Variants in ZDHHC14 observed in about 807,000 individuals in gnomAD.
ZDHHC14 encodes the protein zDHHC palmitoyltransferase 14.
ZDHHC14 carries 16 observed loss-of-function variants against 47.7 expected under a neutral mutation model. That is an observed-to-expected ratio of 0.34 (90% CI 0.23 to 0.51). The LOEUF (loss-of-function observed/expected upper bound fraction) is 0.51, where lower values mean the gene tolerates loss of function less well. Among genes scored for constraint, ZDHHC14 ranks in the 20% least tolerant of loss-of-function variants. The probability of loss-of-function intolerance (pLI) is 0.97; values close to 1 mark genes in which losing one functional copy is unlikely to be tolerated. For synonymous variants in ZDHHC14, 293 were observed against 278.9 expected (o/e 1.05, Z -0.50); for missense variants, 515 against 662.5 (o/e 0.78, Z 2.44).
At position 157,452,690 on chromosome 6, in the gene ZDHHC14, A is replaced by ATTTTTTT. The variant is rs747862336; in HGVS notation, c.245+70448_245+70454dup. Among the ~76,000 whole-genome samples the ATTTTTTT allele has an allele frequency of 1.5e-3, 106 of 72,956 alleles. 9 individuals carry two copies. Among genetic ancestry groups the ATTTTTTT allele is most frequent in the African/African-American group, 1.9e-3 (33 of 17,682 alleles). The allele number at this position is 72,956 out of a possible 152,430, so 47.9% of individuals were successfully genotyped here. On this transcript the variant is annotated intron_variant, in intron 1 of 8. Coordinates refer to ENST00000359775, the MANE Select transcript of ZDHHC14 (RefSeq NM_024630.3). The stretch of plus-strand genomic sequence containing the variant: ...TCATAAAGATCACTAATACATGGGG[A>ATTTTTTT]TTTTTTTTTTTTTTTTTTTTTTTTT...
chr6:157,620,405 T>C (rs1368787294), intron 3 of ZDHHC14, among the ~76,000 whole-genome samples: 2 of 152,162 alleles, frequency 1.3e-5, no homozygotes, highest in Non-Finnish European at 2.9e-5. Context: ...ACAGCTACAG[T>C]GTGGATTAAG....
intron 1 of ZDHHC14, among the ~76,000 whole-genome samples, chr6:157,533,441 C>T (rs749860979): frequency 7.2e-5 from 11 of 151,982 alleles, no homozygotes; most frequent in Admixed American, 3.9e-4. Flanking sequence ...AGGGAAGGCT[C>T]TACAGAGATG....
chr6:157,494,367 C>A (rs1213633877), intron 1 of ZDHHC14, among the ~76,000 whole-genome samples: 1 of 152,228 alleles, frequency 6.6e-6, no homozygotes, highest in African/African-American at 2.4e-5. Flanking sequence ...TGCCACCACC[C>A]TCCCTGCGGG....
At chr6:157,524,037 G>T (rs1305281383) in intron 1 of ZDHHC14, among the ~76,000 whole-genome samples, 1 of 152,222 alleles carries the variant, frequency 6.6e-6, no homozygotes, top group East Asian at 1.9e-4. Flanking sequence ...AATGCAGCTG[G>T]AAGAGATTTA....
intron 3 of ZDHHC14, among the ~76,000 whole-genome samples, chr6:157,603,532 G>A (rs967844853): frequency 2.6e-5 from 4 of 152,154 alleles, no homozygotes; most frequent in African/African-American, 9.7e-5. Context: ...TTCAGCCCTA[G>A]GAGGACTGAT....
At chr6:157,568,895 TTGTG>T (rs1783003113) in intron 2 of ZDHHC14, among the ~76,000 whole-genome samples, 1 of 152,182 alleles carries the variant, frequency 6.6e-6, no homozygotes, top group South Asian at 2.1e-4. Flanking sequence ...TGTTATTTCT[TTGTG>T]TGAGTTGCCT....
chr6:157,628,264 G>C, intron 3 of ZDHHC14, 85 bp from the exon 4 acceptor site: 2 of 1,372,514 alleles, frequency 1.5e-6, no homozygotes, highest in Non-Finnish European at 9.9e-7. Flanking sequence ...CAGAGTATTG[G>C]GTGGGAGGGG....
chr6:157,517,435 C>T (rs35801114), intron 1 of ZDHHC14, among the ~76,000 whole-genome samples: 79,402 of 151,690 alleles, frequency 0.52, 21,106 homozygotes, highest in Non-Finnish European at 0.58. Flanking sequence ...CTCAGCCTCC[C>T]GAGTAGCTGG....
intron 1 of ZDHHC14, among the ~76,000 whole-genome samples, chr6:157,402,067 C>T (rs1246387281): frequency 1.3e-5 from 2 of 148,884 alleles, no homozygotes; most frequent in Non-Finnish European, 3.0e-5. Flanking sequence ...AAGTGAGATG[C>T]GCACCTGCTG....
chr6:157,545,988 T>G (rs1457029495), intron 2 of ZDHHC14, among the ~76,000 whole-genome samples: 1 of 152,246 alleles, frequency 6.6e-6, no homozygotes, highest in Non-Finnish European at 1.5e-5. Context: ...TTGTTTTGTC[T>G]AATTCTTCTC....
chr6:157,401,513 G>C (rs979186248), intron 1 of ZDHHC14, among the ~76,000 whole-genome samples: 22 of 144,044 alleles, frequency 1.5e-4, no homozygotes, highest in Admixed American at 1.3e-3. Flanking sequence ...AGTGAGATGC[G>C]CTCCTGCTGA....
chr6:157,539,732 C>G (rs147103572), intron 1 of ZDHHC14, among the ~76,000 whole-genome samples: 4 of 152,338 alleles, frequency 2.6e-5, no homozygotes, highest in African/African-American at 9.6e-5. Context: ...TTTCCTGCCT[C>G]CCTCTCTACT....
intron 1 of ZDHHC14, among the ~76,000 whole-genome samples, chr6:157,494,708 A>G (rs1780012706): frequency 6.6e-6 from 1 of 152,248 alleles, no homozygotes. Flanking sequence ...GAAGCTTACA[A>G]GGAAATAAGT....
chr6:157,458,659 T>C (rs1778985439), intron 1 of ZDHHC14, among the ~76,000 whole-genome samples: 1 of 152,042 alleles, frequency 6.6e-6, no homozygotes, highest in African/African-American at 2.4e-5. Context: ...GGACCTGGCA[T>C]GGTCTGCAAA....
chr6:157,585,163 C>T (rs188870457), intron 2 of ZDHHC14, among the ~76,000 whole-genome samples: 16 of 152,026 alleles, frequency 1.1e-4, no homozygotes, highest in South Asian at 2.1e-4. Flanking sequence ...GCCGAGATCG[C>T]GCCATTGCAC....
At chr6:157,666,661 A>G (rs1410964523) in intron 8 of ZDHHC14, among the ~76,000 whole-genome samples, 1 of 152,246 alleles carries the variant, frequency 6.6e-6, no homozygotes, top group Non-Finnish European at 1.5e-5. Flanking sequence ...CTCATTCTTA[A>G]TTTGTACACA....
intron 3 of ZDHHC14, among the ~76,000 whole-genome samples, chr6:157,623,371 C>T (rs1034959344): frequency 6.6e-5 from 10 of 152,120 alleles, no homozygotes; most frequent in South Asian, 4.1e-4. Flanking sequence ...CTTCTCTCTC[C>T]TTCTGCCTTG....
intron 3 of ZDHHC14, among the ~76,000 whole-genome samples, chr6:157,600,092 C>G (rs890275950): frequency 6.6e-6 from 1 of 152,168 alleles, no homozygotes; most frequent in Non-Finnish European, 1.5e-5. Context: ...TTCCTATGTT[C>G]TGAGTAGTGT....
intron 1 of ZDHHC14, among the ~76,000 whole-genome samples, chr6:157,418,923 T>G (rs1353124517): frequency 6.6e-6 from 1 of 152,218 alleles, no homozygotes. Context: ...TTTTAGCAAT[T>G]CAGTTATTAT....
Sources: gnomAD v4.1 joint callset for allele counts (sites outside exome capture counted in the v4.1 genomes callset) on GRCh38, gnomAD v4.1.1 for gene constraint, MANE v1.5 for transcripts, NCBI Gene and HGNC (gene_info 2026-07-23, HGNC 2026-07-21) for gene names.